The following GSK3B variants were observed in gnomAD, a reference collection of about 807,000 sequenced individuals.
The protein encoded by GSK3B is glycogen synthase kinase 3 beta.
A neutral mutation model predicts 56.4 loss-of-function variants in GSK3B; 15 were observed. That is an observed-to-expected ratio of 0.27 (90% CI 0.18 to 0.41). GSK3B has a LOEUF of 0.41. Among genes scored for constraint, GSK3B ranks in the 10% least tolerant of loss-of-function variants. GSK3B has a pLI of 1.00. For missense variants in GSK3B, 300 were observed against 513.4 expected (o/e 0.58, Z 4.02); for synonymous variants, 181 against 188.9 (o/e 0.96, Z 0.34).
intron 5 of GSK3B, 83 bp downstream of exon 5, chr3:119,915,960 TA>T: frequency 1.1e-6 from 1 of 895,512 alleles, no homozygotes; most frequent in Non-Finnish European, 1.7e-6. Context: ...TTTAGGCTGA[TA>T]TTGCAAAAGG....
chr3:120,071,325 A>G (rs1174334439), intron 1 of GSK3B, among the ~76,000 whole-genome samples: 1 of 152,182 alleles, frequency 6.6e-6, no homozygotes, highest in East Asian at 1.9e-4. Flanking sequence ...GGAAATAAGT[A>G]CCTCTGGTTA....
chr3:119,850,003 T>C (rs1300489707), intron 9 of GSK3B, among the ~76,000 whole-genome samples: 1 of 152,104 alleles, frequency 6.6e-6, no homozygotes, highest in African/African-American at 2.4e-5. Flanking sequence ...ACTATGTAAA[T>C]AGTTTTATAG....
rs553422946 is a variant in GSK3B, at chr3:119,863,332, C to T, written c.1096+87G>A. On this transcript the variant is annotated intron_variant, in intron 9 of 10. Coordinates refer to ENST00000264235, the MANE Select transcript of GSK3B (RefSeq NM_001146156.2). The stretch of plus-strand genomic sequence containing the variant: ...TACTTAATATGTCCGTTTTTGTCCT[C>T]CACAGATTTTAATTAATAGAATGTC... The T allele has an allele frequency of 7.3e-5, 79 of 1,086,760 alleles. 1 individual carries two copies. The highest frequency in any genetic ancestry group is 5.7e-4 in the Middle Eastern group (2 of 3,492). 67.3% of individuals were successfully genotyped at this position (1,086,760 alleles called of 1,614,324 possible). A position where few individuals can be genotyped will look rare whatever the true frequency, so the allele number is the denominator to read the frequency against.
intron 2 of GSK3B, among the ~76,000 whole-genome samples, chr3:119,948,336 T>C (rs575905038): frequency 6.6e-6 from 1 of 152,288 alleles, no homozygotes; most frequent in South Asian, 2.1e-4. Context: ...TAAAGATAGC[T>C]ATCCTAGAAT....
chr3:119,932,338 A>G (rs1299370638), intron 3 of GSK3B, among the ~76,000 whole-genome samples: 1 of 152,210 alleles, frequency 6.6e-6, no homozygotes, highest in African/African-American at 2.4e-5. Context: ...ATGAGAATAT[A>G]GTACTAATAG....
Position 119,822,657 on chromosome 3 carries a change from C to G in GSK3B, c.*4131G>C, listed in dbSNP as rs548217221. ...GACTCTACTGTGCTTCTAGTTGTCT[C>G]TTTTATTTTCAGTGGCTCAGGTTTC... On this transcript the variant is annotated 3_prime_UTR_variant, in exon 11 of 11. Transcript: ENST00000264235. 3 of 228,870 alleles carry G rather than the reference C, an allele frequency of 1.3e-5. No homozygotes were observed. The South Asian group carries it at 5.5e-4, about 42-fold the overall frequency. The allele number at this position is 228,870 out of a possible 1,614,324, so 14.2% of individuals were successfully genotyped here. A position where few individuals can be genotyped will look rare whatever the true frequency, so the allele number is the denominator to read the frequency against.
intron 8 of GSK3B, among the ~76,000 whole-genome samples, chr3:119,867,491 C>T (rs1332418351): frequency 6.6e-6 from 1 of 152,188 alleles, no homozygotes; most frequent in Non-Finnish European, 1.5e-5. Context: ...CATCTTCCAG[C>T]ACTACAAATT....
intron 1 of GSK3B, among the ~76,000 whole-genome samples, chr3:120,039,714 T>C (rs1057410280): frequency 6.6e-6 from 1 of 152,162 alleles, no homozygotes; most frequent in Non-Finnish European, 1.5e-5. Flanking sequence ...ACCCAGCCCA[T>C]GCGGGAGTGA....
intron 5 of GSK3B, among the ~76,000 whole-genome samples, chr3:119,914,564 A>G (rs1467638150): frequency 6.6e-6 from 1 of 152,044 alleles, no homozygotes; most frequent in Non-Finnish European, 1.5e-5. Flanking sequence ...TTTCCTATAG[A>G]CAAGTAGTAG....
At position 120,094,067 on chromosome 3, in the gene GSK3B, C is replaced by T. The variant is rs929837330; in HGVS notation, c.-633G>A. 2.6e-5 allele frequency: 6 copies of T among 227,304 alleles called. No homozygotes were observed. The highest frequency in any genetic ancestry group is 1.4e-4 in the African/African-American group (6 of 44,096). The allele number at this position is 227,304 out of a possible 1,614,324, so 14.1% of individuals were successfully genotyped here. ...CGGTGGCGGTGGCGGCGGCTCCTCT[C>T]CTCATTGCGCCAGGAGCAGCTGCAG... is the stretch of plus-strand genomic sequence containing the variant. On this transcript the variant is annotated 5_prime_UTR_variant, in exon 1 of 11. Coordinates refer to ENST00000264235, the MANE Select transcript of GSK3B (RefSeq NM_001146156.2).
intron 1 of GSK3B, among the ~76,000 whole-genome samples, chr3:120,008,514 T>C (rs927492256): frequency 1.6e-4 from 24 of 152,152 alleles, no homozygotes; most frequent in Non-Finnish European, 3.4e-4. Flanking sequence ...AACAGATATA[T>C]AGACCAAAGG....
intron 1 of GSK3B, among the ~76,000 whole-genome samples, chr3:120,051,810 A>G (rs1237926119): frequency 1.3e-5 from 2 of 152,106 alleles, no homozygotes; most frequent in Non-Finnish European, 2.9e-5. Context: ...ATGACTGCAG[A>G]TATGAAGAGA....
chr3:120,074,062 T>C (rs1490195586), intron 1 of GSK3B, among the ~76,000 whole-genome samples: 1 of 152,096 alleles, frequency 6.6e-6, no homozygotes, highest in Non-Finnish European at 1.5e-5. Context: ...CCCAGCACTA[T>C]GGGAGGCCGA....
chr3:120,072,457 C>A (rs888036317), intron 1 of GSK3B, among the ~76,000 whole-genome samples: 1 of 151,730 alleles, frequency 6.6e-6, no homozygotes, highest in African/African-American at 2.4e-5. Context: ...CATGGTGGTA[C>A]GTGCCTGTAA....
At chr3:119,882,956 G>A (rs540788207) in intron 7 of GSK3B, among the ~76,000 whole-genome samples, 3 of 152,186 alleles carry the variant, frequency 2.0e-5, no homozygotes, top group Middle Eastern at 3.4e-3. Context: ...CTACCAACCT[G>A]TAAATAGAAT....
chr3:119,913,032 C>T (rs2056750474), intron 5 of GSK3B, among the ~76,000 whole-genome samples: 1 of 152,038 alleles, frequency 6.6e-6, no homozygotes. Context: ...TTAAAGAAAG[C>T]GTTTGTCACC....
chr3:120,019,949 C>T (rs931560088), intron 1 of GSK3B, among the ~76,000 whole-genome samples: 8 of 152,148 alleles, frequency 5.3e-5, no homozygotes, highest in Non-Finnish European at 7.4e-5. Flanking sequence ...GGAACCTATT[C>T]GCATTTACAT....
At chr3:120,056,111 T>C (rs905813103) in intron 1 of GSK3B, among the ~76,000 whole-genome samples, 4 of 152,228 alleles carry the variant, frequency 2.6e-5, no homozygotes, top group Non-Finnish European at 5.9e-5. Context: ...AGGTATCTTC[T>C]ATTAAGCAAC....
At chr3:119,865,595 G>A (rs1429859472) in intron 8 of GSK3B, among the ~76,000 whole-genome samples, 1 of 148,664 alleles carries the variant, frequency 6.7e-6, no homozygotes, top group South Asian at 2.1e-4. Flanking sequence ...TCAGCCTCCC[G>A]AGTAGCTGGG....
Sources: gnomAD v4.1 joint callset for allele counts (sites outside exome capture counted in the v4.1 genomes callset) on GRCh38, gnomAD v4.1.1 for gene constraint, MANE v1.5 for transcripts, NCBI Gene and HGNC (gene_info 2026-07-23, HGNC 2026-07-21) for gene names.